The following XK variants were observed in gnomAD, a reference collection of about 807,000 sequenced individuals.
XK encodes the protein X-linked Kx blood group antigen, Kell and VPS13A binding protein, also known as endoplasmic reticulum membrane adapter protein XK.
XK carries 2 observed loss-of-function variants against 14.0 expected under a neutral mutation model. The observed-to-expected ratio is 0.14, with a 90% CI of 0.06 to 0.45. The LOEUF (loss-of-function observed/expected upper bound fraction) is 0.45. Ranked by LOEUF, XK falls within the 20% of genes least tolerant of loss-of-function variation. XK has a pLI of 0.98. For synonymous variants in XK, 149 were observed against 147.5 expected, an observed-to-expected ratio of 1.01 and a Z score of -0.08; for missense variants, 235 against 341.5, an observed-to-expected ratio of 0.69 and a Z score of 2.46.
chrX:37,716,245 T>C (rs1927763635), intron 2 of XK, among the ~76,000 whole-genome samples: 1 of 112,407 alleles, frequency 8.9e-6, no homozygotes, highest in African/African-American at 3.2e-5. Context: ...AGAAGTGATA[T>C]CCTCACAAGG....
At chrX:37,687,667 T>A (rs1927111610) in intron 1 of XK, among the ~76,000 whole-genome samples, 1 of 110,372 alleles carries the variant, frequency 9.1e-6, no homozygotes, top group Non-Finnish European at 1.9e-5. Flanking sequence ...GCCATAAAAT[T>A]TTTGCACCTC....
Position 37,696,980 on chromosome X carries a change from T to C in XK, c.508+2432T>C, listed in dbSNP as rs1012727668. On this transcript the variant is annotated intron_variant, in intron 2 of 2. Transcript: ENST00000378616. ...GTCTTCCTCCTTTTATTAAAAACTA[T>C]AGCTTTTCCAGAAATCTCCCTAACA... Among the ~76,000 whole-genome samples the C allele has an allele frequency of 3.6e-5, 4 of 112,384 alleles. No homozygotes were observed. In the Admixed American group the frequency reaches 3.8e-4, roughly 11 times the overall value.
chrX:37,704,614 TAG>T (rs1927475516), intron 2 of XK, among the ~76,000 whole-genome samples: 1 of 111,273 alleles, frequency 9.0e-6, no homozygotes, highest in African/African-American at 3.3e-5. Flanking sequence ...GGCAGGTGGA[TAG>T]CCTGAGGTCA....
chrX:37,698,041 G>T (rs1470133859), intron 2 of XK, among the ~76,000 whole-genome samples: 2 of 112,221 alleles, frequency 1.8e-5, no homozygotes, highest in African/African-American at 6.5e-5. Flanking sequence ...GCAAGGGCTT[G>T]CTCAAGTCTC....
At chrX:37,686,294 T>TTTTCCTGTGGAGACAGGTGGC in intron 1 of XK, 88 bp downstream of exon 1, 2 of 1,156,522 alleles carry the variant, frequency 1.7e-6, no homozygotes, top group South Asian at 3.8e-5. Context: ...AGGGAGGCGG[T>TTTTCCTGTGGAGACAGGTGGC]TTTCCTGTGG....
chrX:37,729,897 G>C lies in XK; in HGVS notation c.*1435G>C, dbSNP rs1467135534. 9.0e-6 allele frequency: 1 copy of C among 111,403 alleles called. No individual in the cohort carries two copies. The highest frequency in any genetic ancestry group is 3.3e-5 in the African/African-American group (1 of 30,691). The allele number at this position is 111,403 out of a possible 1,213,427, so 9.2% of individuals were successfully genotyped here. A position where few individuals can be genotyped will look rare whatever the true frequency, so the allele number is the denominator to read the frequency against. On this transcript the variant is annotated 3_prime_UTR_variant, in exon 3 of 3. Coordinates refer to ENST00000378616, the MANE Select transcript of XK (RefSeq NM_021083.4). ...TAATTTTCATTTTTAATTCCTCTTG[G>C]TGTCAAATTTTTAAGTAATTTCATG...
chrX:37,702,194 A>G (rs1927430468), intron 2 of XK, among the ~76,000 whole-genome samples: 1 of 111,608 alleles, frequency 9.0e-6, no homozygotes, highest in South Asian at 3.8e-4. Context: ...TCAAATGCAC[A>G]GAAGAGGAAG....
chrX:37,699,841 T>C (rs1927376308), intron 2 of XK, among the ~76,000 whole-genome samples: 1 of 111,287 alleles, frequency 9.0e-6, no homozygotes, highest in Admixed American at 9.5e-5. Context: ...TATCACAAAG[T>C]TGAGGTTGTC....
intron 2 of XK, among the ~76,000 whole-genome samples, chrX:37,716,230 A>G (rs1927763280): frequency 1.8e-5 from 2 of 112,297 alleles, no homozygotes; most frequent in African/African-American, 6.5e-5. Flanking sequence ...ATAATCACAC[A>G]CAGAAGAAGT....
chrX:37,715,474 T>G (rs1927749097), intron 2 of XK, among the ~76,000 whole-genome samples: 1 of 112,214 alleles, frequency 8.9e-6, no homozygotes, highest in South Asian at 3.6e-4. Flanking sequence ...AAACTTAGTT[T>G]ATTCATTTTT....
At chrX:37,690,822 A>G (rs782506768) in intron 1 of XK, among the ~76,000 whole-genome samples, 2 of 111,603 alleles carry the variant, frequency 1.8e-5, no homozygotes, top group East Asian at 5.6e-4. Context: ...CTGAAAAACT[A>G]CCTTGAGTAT....
intron 2 of XK, among the ~76,000 whole-genome samples, chrX:37,713,532 C>T (rs193103926): frequency 7.2e-4 from 80 of 111,037 alleles, no homozygotes; most frequent in African/African-American, 2.5e-3. Flanking sequence ...TAGGTCTAGA[C>T]ATTACATGCA....
chrX:37,720,583 T>C (rs1927850453), intron 2 of XK, among the ~76,000 whole-genome samples: 1 of 110,984 alleles, frequency 9.0e-6, no homozygotes, highest in Non-Finnish European at 1.9e-5. Flanking sequence ...ATTTATTGCA[T>C]AGTGGTGAAG....
rs782069779 is a variant in XK, at chrX:37,728,249, C to A, written c.1122C>A (p.His374Gln). The part of the protein sequence containing the change: ...LFMLVFYQFF[H>Q]PCKKLFSSSV... ...TGCTTGTATTCTATCAGTTCTTCCA[C>A]CCTTGCAAAAAGCTCTTTTCTTCCA... Residue 374 changes from histidine to glutamine, a missense_variant, in exon 3 of 3, where the codon CAC becomes CAA. His to Gln is a conservative substitution (Grantham distance 24). Transcript: ENST00000378616. 1 of 1,211,309 alleles carries A rather than the reference C, an allele frequency of 8.3e-7. No individual in the cohort carries two copies. Among genetic ancestry groups the A allele is most frequent in the South Asian group, 1.8e-5 (1 of 56,967 alleles).
intron 2 of XK, among the ~76,000 whole-genome samples, chrX:37,705,205 G>T (rs782638042): frequency 9.0e-6 from 1 of 110,715 alleles, no homozygotes; most frequent in East Asian, 2.8e-4. Flanking sequence ...CAGCACTTTG[G>T]GGGGCCAAGG....
In XK at chrX:37,694,379, C is replaced by T. The variant is rs1344037103; in HGVS notation, c.339C>T (p.Gly113=). The change falls in exon 2 of 3, where the codon GGC becomes GGT. Residue 113 remains glycine (G), a synonymous_variant. Coordinates refer to ENST00000378616, the MANE Select transcript of XK (RefSeq NM_021083.4). ...AGAAGAGGCAAATGCCAAAAAATGG[C>T]CTCTCAGAGGAGATTGAGAAGGAGG... ...ITKKRQMPKN[G]LSEEIEKEVG... 1 of 1,208,249 alleles carries T rather than the reference C, an allele frequency of 8.3e-7. No individual in the cohort carries two copies. Among genetic ancestry groups the T allele is most frequent in the African/African-American group, 1.7e-5 (1 of 57,730 alleles).
At chrX:37,692,963 C>A (rs1275120977) in intron 1 of XK, among the ~76,000 whole-genome samples, 1 of 106,186 alleles carries the variant, frequency 9.4e-6, no homozygotes, top group African/African-American at 3.5e-5. Flanking sequence ...CACAAATCAA[C>A]CCCCCCCCAC....
At chrX:37,687,028 GCCGTC>G (rs1418600311) in intron 1 of XK, among the ~76,000 whole-genome samples, 1 of 110,922 alleles carries the variant, frequency 9.0e-6, no homozygotes, top group Non-Finnish European at 1.9e-5. Context: ...CAAAACAAAG[GCCGTC>G]CATTTGGATT....
chrX:37,701,627 CAG>C (rs1927418787), intron 2 of XK, among the ~76,000 whole-genome samples: 1 of 112,694 alleles, frequency 8.9e-6, no homozygotes, highest in Admixed American at 9.4e-5. Context: ...TGTAAAATAG[CAG>C]AGAGTCCCTC....
Sources: allele counts gnomAD v4.1 joint callset (sites outside exome capture counted in the v4.1 genomes callset), GRCh38; gene constraint gnomAD v4.1.1; transcripts MANE v1.5; gene names NCBI Gene and HGNC (gene_info 2026-07-23, HGNC 2026-07-21).